The following MSH4 variants were observed in gnomAD, a reference collection of about 807,000 sequenced individuals.
The protein encoded by MSH4 is mutS protein homolog 4.
Under a neutral mutation model 113.7 loss-of-function variants are expected in MSH4, and 106 were observed. The observed-to-expected ratio is 0.93, with a 90% CI of 0.80 to 1.10. MSH4 has a LOEUF of 1.10. MSH4 is among the 50% of genes least tolerant of loss of function. The pLI, the probability that MSH4 is intolerant of heterozygous loss-of-function variation, is 0.00. For synonymous variants in MSH4, 368 were observed against 380.2 expected, an observed-to-expected ratio of 0.97 and a Z score of 0.37; for missense variants, 1,061 against 1,093.7, an observed-to-expected ratio of 0.97 and a Z score of 0.42.
intron 7 of MSH4, among the ~76,000 whole-genome samples, chr1:75,835,858 G>A (rs1431602519): frequency 6.6e-6 from 1 of 152,146 alleles, no homozygotes; most frequent in Non-Finnish European, 1.5e-5. Context: ...CCAGTACTGT[G>A]CTGAGACTGC....
At chr1:75,900,020 T>A (rs1652473716) in intron 19 of MSH4, among the ~76,000 whole-genome samples, 1 of 151,864 alleles carries the variant, frequency 6.6e-6, no homozygotes, top group Non-Finnish European at 1.5e-5. Flanking sequence ...ACATTAAAAA[T>A]GAAAATCACT....
At position 75,797,312 on chromosome 1, in the gene MSH4, T is replaced by G. The variant is rs1009506485; in HGVS notation, c.244+83T>G. On this transcript the variant is annotated intron_variant, in intron 1 of 19. Coordinates refer to ENST00000263187, the MANE Select transcript of MSH4 (RefSeq NM_002440.4). The stretch of plus-strand genomic sequence containing the variant: ...GGCTCGGGGGCACGTGGGTGGTGGT[T>G]ACCACAGTGAAGTTGTGATTTGGTT... 6.7e-6 allele frequency: 10 copies of G among 1,488,718 alleles called. No homozygotes were observed. In the African/African-American group the frequency reaches 1.4e-4, roughly 21 times the overall value. 92.2% of individuals were successfully genotyped at this position (1,488,718 alleles called of 1,614,324 possible).
intron 14 of MSH4, among the ~76,000 whole-genome samples, chr1:75,882,449 C>T (rs1651954286): frequency 6.6e-6 from 1 of 151,916 alleles, no homozygotes; most frequent in Non-Finnish European, 1.5e-5. Flanking sequence ...CAGGTGGTAT[C>T]CATAGAGACC....
At chr1:75,837,820 A>G (rs1162150393) in intron 7 of MSH4, among the ~76,000 whole-genome samples, 1 of 152,122 alleles carries the variant, frequency 6.6e-6, no homozygotes, top group Non-Finnish European at 1.5e-5. Flanking sequence ...CAAATCTGCC[A>G]TGTCTCCTTG....
chr1:75,797,098 C>T lies in MSH4; in HGVS notation c.113C>T (p.Thr38Ile), dbSNP rs748952552. The T allele has an allele frequency of 3.8e-5, 61 of 1,614,058 alleles. No individual in the cohort carries two copies. The highest frequency in any genetic ancestry group is 5.0e-5 in the Non-Finnish European group (59 of 1,179,934). ...CGCTACAATTTCGGACTCCAGGAGACTCCACAGAGCCGCCCTTCGGTCCAG... is the reference window on the plus strand; with the variant it reads ...CGCTACAATTTCGGACTCCAGGAGATTCCACAGAGCCGCCCTTCGGTCCAG... ...GPRYNFGLQE[T>I]PQSRPSVQVV... The change falls in exon 1 of 20, where the codon ACT becomes ATT. Residue 38 changes from threonine to isoleucine, a missense_variant. Physicochemically the swap from Thr to Ile is moderately conservative, Grantham distance 89 (BLOSUM62 -1). Coordinates refer to ENST00000263187, the MANE Select transcript of MSH4 (RefSeq NM_002440.4).
At chr1:75,815,678 T>C (rs1650278898) in intron 5 of MSH4, among the ~76,000 whole-genome samples, 2 of 152,352 alleles carry the variant, frequency 1.3e-5, no homozygotes, top group South Asian at 4.1e-4. Context: ...ATCATTATTC[T>C]CACTGAGATC....
At chr1:75,801,562 C>G (rs1441203414) in intron 1 of MSH4, among the ~76,000 whole-genome samples, 1 of 139,240 alleles carries the variant, frequency 7.2e-6, no homozygotes, top group African/African-American at 2.7e-5. Context: ...GAGTGAAACT[C>G]CATCTCAAAA....
At chr1:75,843,364 A>G (rs1651005983) in intron 7 of MSH4, among the ~76,000 whole-genome samples, 1 of 152,032 alleles carries the variant, frequency 6.6e-6, no homozygotes, top group Admixed American at 6.6e-5. Context: ...GGAGAAACTC[A>G]CCCACCCTGT....
intron 15 of MSH4, among the ~76,000 whole-genome samples, chr1:75,888,595 A>G (rs1461748348): frequency 8.0e-6 from 1 of 125,504 alleles, no homozygotes; most frequent in African/African-American, 2.8e-5. Context: ...CATTTTCTTC[A>G]GATTTTCATA....
chr1:75,877,388 G>T (rs1651838066), intron 10 of MSH4, among the ~76,000 whole-genome samples: 1 of 152,030 alleles, frequency 6.6e-6, no homozygotes, highest in African/African-American at 2.4e-5. Flanking sequence ...CAATCTAAAT[G>T]CTGTTTAATT....
chr1:75,860,072 T>C (rs1651418074), intron 8 of MSH4, among the ~76,000 whole-genome samples: 1 of 152,170 alleles, frequency 6.6e-6, no homozygotes, highest in Non-Finnish European at 1.5e-5. Context: ...TATCAGAGAC[T>C]AGGATTGCAA....
chr1:75,826,694 G>C (rs10782556), intron 7 of MSH4, among the ~76,000 whole-genome samples: 38,771 of 151,936 alleles, frequency 0.26, 6,274 homozygotes, highest in East Asian at 0.68. Flanking sequence ...GTACTTCTTT[G>C]TTTCTGACTT....
rs752179571 is a variant in MSH4, at chr1:75,880,076, C to T, written c.1704C>T (p.Ser568=). 1.3e-6 allele frequency: 2 copies of T among 1,593,376 alleles called. No homozygotes were observed. Among genetic ancestry groups the T allele is most frequent in the Admixed American group, 1.7e-5 (1 of 57,812 alleles). The change falls in exon 13 of 20, where the codon AGC becomes AGT. Residue 568 remains serine, a synonymous_variant. Transcript: ENST00000263187. ...TTTCTAAAGTGAAAAATTCTTACAG[C>T]TTTACATCAGCAGATTTAATTAAAA... ...IKISKVKNSY[S]FTSADLIKMN...
chr1:75,879,158 G>T (rs1407113170), intron 12 of MSH4, 30 bp downstream of exon 12: 1 of 1,586,620 alleles, frequency 6.3e-7, no homozygotes, highest in Non-Finnish European at 8.6e-7. Context: ...GGAAATTAGT[G>T]TTTCTGATTT....
chr1:75,857,720 G>A (rs1195177465), intron 8 of MSH4, among the ~76,000 whole-genome samples: 7 of 150,680 alleles, frequency 4.6e-5, no homozygotes, highest in Non-Finnish European at 7.4e-5. Context: ...GTCAGGTACC[G>A]TGATGCTTTG....
At chr1:75,852,288 A>G (rs968740521) in intron 8 of MSH4, among the ~76,000 whole-genome samples, 1 of 152,138 alleles carries the variant, frequency 6.6e-6, no homozygotes, top group Non-Finnish European at 1.5e-5. Flanking sequence ...TTATCAGTTG[A>G]TGGCTATTTA....
chr1:75,868,756 A>G (rs564078139), intron 9 of MSH4, among the ~76,000 whole-genome samples: 2 of 152,174 alleles, frequency 1.3e-5, no homozygotes, highest in African/African-American at 2.4e-5. Context: ...TCCCCTGCAC[A>G]TGTTCTTCTT....
chr1:75,815,141 G>A lies in MSH4; in HGVS notation c.815+5G>A. ...CCTAATGGAGGTTCAGTCCAAGTAA[G>A]TTATATATTTATTTATTTTTTTACT... On this transcript the variant is annotated splice_donor_5th_base_variant and intron_variant, in intron 5 of 19. Transcript: ENST00000263187. 1.4e-6 allele frequency: 2 copies of A among 1,444,990 alleles called. No individual in the cohort carries two copies. The highest frequency in any genetic ancestry group is 9.3e-7 in the Non-Finnish European group (1 of 1,070,976). 89.5% of individuals were successfully genotyped at this position (1,444,990 alleles called of 1,614,324 possible).
rs1311139596 is a variant in MSH4 at position 75,877,071 on chromosome 1, A to G, written c.1370+71A>G. ...TTCCTGATCATAACTGATTTTAAAGACTCTAATTGTATTCTATGGAACAAT... is the reference window on the plus strand; with the variant it reads ...TTCCTGATCATAACTGATTTTAAAGGCTCTAATTGTATTCTATGGAACAAT... On this transcript the variant is annotated intron_variant, in intron 10 of 19. Coordinates refer to ENST00000263187, the MANE Select transcript of MSH4 (RefSeq NM_002440.4). 8 of 998,916 alleles carry G rather than the reference A, an allele frequency of 8.0e-6. No homozygotes were observed. In the Admixed American group the frequency reaches 8.3e-5, roughly 10 times the overall value. The allele number at this position is 998,916 out of a possible 1,614,324, so 61.9% of individuals were successfully genotyped here. A position where few individuals can be genotyped will look rare whatever the true frequency, so the allele number is the denominator to read the frequency against.
Sources: gnomAD v4.1 joint callset for allele counts (sites outside exome capture counted in the v4.1 genomes callset) on GRCh38, gnomAD v4.1.1 for gene constraint, MANE v1.5 for transcripts, NCBI Gene and HGNC (gene_info 2026-07-23, HGNC 2026-07-21) for gene names.